Variants in NHSL1 observed in about 807,000 individuals in gnomAD.
NHSL1 encodes the protein NHS like 1, also known as NHS-like protein 1.
A neutral mutation model predicts 95.0 loss-of-function variants in NHSL1; 48 were observed. The ratio of observed to expected loss-of-function variants is 0.51; its 90% confidence interval spans 0.40 to 0.64. The LOEUF (loss-of-function observed/expected upper bound fraction) is 0.64. Among genes scored for constraint, NHSL1 ranks in the 30% least tolerant of loss-of-function variants. The probability of loss-of-function intolerance (pLI) is 0.00; values close to 1 mark genes in which losing one functional copy is unlikely to be tolerated. For missense variants in NHSL1, 1,971 were observed against 2,077.7 expected (o/e 0.95, Z 1.00); for synonymous variants, 783 against 833.9 (o/e 0.94, Z 1.05).
chr6:138,454,940 G>T (rs1437187520), intron 3 of NHSL1, among the ~76,000 whole-genome samples: 1 of 152,232 alleles, frequency 6.6e-6, no homozygotes, highest in Admixed American at 6.5e-5. Context: ...AACAAGATAG[G>T]GATGCTGTCC....
chr6:138,432,400 C>T lies in NHSL1; in HGVS notation c.1945G>A (p.Gly649Arg). ...VFVGRAQKNQ[G>R]DRSNYQDKSL... Reference sequence around the variant, plus strand: ...TTATCCTGGTAATTGGACCGGTCCCCTTGGTTTTTCTGAGCTCTTCCAACA... The same window carrying T: ...TTATCCTGGTAATTGGACCGGTCCCTTTGGTTTTTCTGAGCTCTTCCAACA... Residue 649 changes from glycine to arginine, a missense_variant, in exon 6 of 8, where the codon GGG (glycine) becomes AGG (arginine). By Grantham distance (125) the Gly-to-Arg change is moderately radical (BLOSUM62 -2). Around this residue, in one of 3 missense-constraint regions of NHSL1, gnomAD observed 1,602 missense variants for 1,654.5 expected, o/e 0.97. Transcript: ENST00000343505. The surrounding 1 kb of genome is among the most constrained non-coding windows in gnomAD (Gnocchi z 4.4). 6.4e-7 allele frequency: 1 copy of T among 1,552,178 alleles called. No individual in the cohort carries two copies. Among genetic ancestry groups the T allele is most frequent in the Non-Finnish European group, 8.7e-7 (1 of 1,147,094 alleles).
intron 1 of NHSL1, among the ~76,000 whole-genome samples, chr6:138,691,561 C>T (rs1785669725): frequency 1.3e-5 from 2 of 152,202 alleles, no homozygotes; most frequent in Non-Finnish European, 2.9e-5. Flanking sequence ...GTTACATCAA[C>T]ATCTCCCCTC....
At chr6:138,533,302 G>T (rs999854845) in intron 1 of NHSL1, among the ~76,000 whole-genome samples, 1 of 151,946 alleles carries the variant, frequency 6.6e-6, no homozygotes, top group African/African-American at 2.4e-5. Context: ...GGTGGCTCAC[G>T]CCTGTAATCC....
At chr6:138,456,520 T>A (rs570662004) in intron 3 of NHSL1, among the ~76,000 whole-genome samples, 3 of 152,246 alleles carry the variant, frequency 2.0e-5, no homozygotes, top group Non-Finnish European at 1.5e-5. Flanking sequence ...AACTGTTTAC[T>A]GCCAAAAATC....
intron 1 of NHSL1, among the ~76,000 whole-genome samples, chr6:138,687,301 AGAC>A (rs1785597088): frequency 6.6e-6 from 1 of 151,984 alleles, no homozygotes; most frequent in African/African-American, 2.4e-5. Flanking sequence ...AAGAAGAAGA[AGAC>A]GAAGTGCAGT....
chr6:138,627,103 A>C (rs1229072496), intron 1 of NHSL1, among the ~76,000 whole-genome samples: 1 of 152,154 alleles, frequency 6.6e-6, no homozygotes, highest in Admixed American at 6.5e-5. Context: ...TGTTGATGAG[A>C]AATTGTCTTC....
chr6:138,595,588 C>T (rs747463460), intron 1 of NHSL1, among the ~76,000 whole-genome samples: 2 of 152,148 alleles, frequency 1.3e-5, no homozygotes, highest in African/African-American at 4.8e-5. Context: ...TTTTTTAAAA[C>T]AGATATATTA....
intron 1 of NHSL1, among the ~76,000 whole-genome samples, chr6:138,624,721 T>A (rs1784712595): frequency 6.6e-6 from 1 of 152,102 alleles, no homozygotes; most frequent in African/African-American, 2.4e-5. Context: ...AAATCAAACC[T>A]CGTCTAACAT....
rs573096893 is a variant in NHSL1, at chr6:138,628,387, C to T, written c.96+64089G>A. 3.3e-5 allele frequency among the ~76,000 whole-genome samples: 5 copies of T among 152,022 alleles called. No homozygotes were observed. The South Asian group carries it at 1.0e-3, about 32-fold the overall frequency. On this transcript the variant is annotated intron_variant, in intron 1 of 3. Transcript: ENST00000491526. ...ATATTCATGATTTCCTATATTCCAT[C>T]TTTAATATGCATATTTTGGGAAGCA...
At chr6:138,468,891 CAA>C (rs1051607250) in intron 3 of NHSL1, among the ~76,000 whole-genome samples, 6 of 152,242 alleles carry the variant, frequency 3.9e-5, no homozygotes, top group African/African-American at 1.4e-4. Flanking sequence ...AAAGCTCCAT[CAA>C]AGACAGAGAT....
intron 1 of NHSL1, among the ~76,000 whole-genome samples, chr6:138,678,191 A>AT (rs5880391): frequency 1.3e-5 from 2 of 151,878 alleles, no homozygotes; most frequent in Non-Finnish European, 1.5e-5. Context: ...AAAAAAGAAG[A>AT]TTTTTTTCTC....
chr6:138,516,518 TAAGTC>T (rs1179935716), intron 1 of NHSL1, among the ~76,000 whole-genome samples: 40 of 152,180 alleles, frequency 2.6e-4, no homozygotes, highest in African/African-American at 9.7e-4. Context: ...CTAGAAAAGT[TAAGTC>T]ATCACTGGTG....
At chr6:138,559,892 T>C (rs1159203218) in intron 1 of NHSL1, among the ~76,000 whole-genome samples, 2 of 152,246 alleles carry the variant, frequency 1.3e-5, no homozygotes, top group African/African-American at 2.4e-5. Context: ...CATGCATATA[T>C]GCCATGTGTG....
intron 3 of NHSL1, among the ~76,000 whole-genome samples, chr6:138,459,216 G>C (rs1200784188): frequency 1.3e-5 from 2 of 152,128 alleles, no homozygotes; most frequent in Non-Finnish European, 2.9e-5. Context: ...TTGAACTCCT[G>C]ACCTCAGGTG....
intron 1 of NHSL1, among the ~76,000 whole-genome samples, chr6:138,528,684 C>G (rs1226667018): frequency 6.6e-6 from 1 of 152,228 alleles, no homozygotes; most frequent in Non-Finnish European, 1.5e-5. Context: ...ACCAAGTCAA[C>G]TGTTTAAATA....
chr6:138,426,181 G>A (rs552320386), intron 7 of NHSL1, among the ~76,000 whole-genome samples: 7 of 152,346 alleles, frequency 4.6e-5, no homozygotes, highest in Middle Eastern at 6.8e-3. Context: ...GAATAAAGAC[G>A]TGGGTATATC....
intron 1 of NHSL1, among the ~76,000 whole-genome samples, chr6:138,658,223 G>A (rs1347605652): frequency 6.6e-6 from 1 of 152,136 alleles, no homozygotes; most frequent in Non-Finnish European, 1.5e-5. Flanking sequence ...TATACATTCT[G>A]AGATGATTCT....
upstream of NHSL1, among the ~76,000 whole-genome samples, chr6:138,692,940 G>GGCGC (rs1172968648): frequency 6.9e-6 from 1 of 145,258 alleles, no homozygotes; most frequent in East Asian, 2.0e-4. The surrounding 1 kb of genome is among the most constrained non-coding windows in gnomAD (Gnocchi z 4.0). Context: ...CGGACGGACG[G>GGCGC]GCGCGCGGGC....
At chr6:138,471,298 T>G (rs1778734678) in intron 3 of NHSL1, among the ~76,000 whole-genome samples, 1 of 152,226 alleles carries the variant, frequency 6.6e-6, no homozygotes, top group Non-Finnish European at 1.5e-5. Flanking sequence ...AGAAACCATC[T>G]GTCTCACTGG....
Sources: gnomAD v4.1 joint callset for allele counts (sites outside exome capture counted in the v4.1 genomes callset) on GRCh38, gnomAD v4.1.1 for gene constraint, gnomAD v4.1.1 regional missense constraint, Gnocchi (gnomAD v3.1) non-coding constraint, MANE v1.5 for transcripts, NCBI Gene and HGNC (gene_info 2026-07-23, HGNC 2026-07-21) for gene names.